MYO18B: variants seen among roughly 807,000 people sequenced by gnomAD.
The protein encoded by MYO18B is unconventional myosin-XVIIIb.
In MYO18B, 204 loss-of-function variants were observed where a neutral mutation model predicts 273.0. The ratio of observed to expected loss-of-function variants is 0.75; its 90% CI spans 0.67 to 0.84. MYO18B has a LOEUF of 0.84. Ranked by LOEUF, MYO18B falls within the 40% of genes least tolerant of loss-of-function variation. MYO18B has a pLI of 0.00. For missense variants in MYO18B, 3,212 were observed against 3,287.6 expected (o/e 0.98, Z 0.56); for synonymous variants, 1,330 against 1,305.7 (o/e 1.02, Z -0.40).
chr22:25,909,693 G>GGA (rs1382240166), intron 32 of MYO18B, among the ~76,000 whole-genome samples: 2 of 152,198 alleles, frequency 1.3e-5, no homozygotes, highest in Non-Finnish European at 2.9e-5. Flanking sequence ...ATTTATAAAA[G>GGA]GAGAGAGTGA....
At chr22:25,852,177 C>T (rs1457731462) in intron 21 of MYO18B, among the ~76,000 whole-genome samples, 1 of 152,162 alleles carries the variant, frequency 6.6e-6, no homozygotes, top group Non-Finnish European at 1.5e-5. Flanking sequence ...GAACATCACT[C>T]CTTAGGGCCT....
intron 11 of MYO18B, among the ~76,000 whole-genome samples, chr22:25,789,571 G>A (rs916073416): frequency 6.6e-6 from 1 of 151,858 alleles, no homozygotes; most frequent in Non-Finnish European, 1.5e-5. Context: ...GGGAGGCAGA[G>A]GCTGCAGTGA....
chr22:26,044,140 C>T, the MYO18B span, among the ~76,000 whole-genome samples: 2 of 152,136 alleles, frequency 1.3e-5, no homozygotes, highest in Non-Finnish European at 2.9e-5. Context: ...AATATTCTTG[C>T]GTGATGTGTC....
At chr22:25,849,866 A>G (rs2748236) in intron 20 of MYO18B, among the ~76,000 whole-genome samples, 122,311 of 152,158 alleles carry the variant, frequency 0.8, 49,383 homozygotes, top group East Asian at 0.88. Context: ...CCCATTAGCC[A>G]CTTTTACTAT....
chr22:25,972,404 G>A lies in MYO18B; in HGVS notation c.6156+17040G>A, dbSNP rs1277673789. ...TATCATTTGTGCCAGGCCTGAGCAT[G>A]TTTTATACCTCATGTCATTTAATTC... On this transcript the variant is annotated intron_variant, in intron 39 of 43. Coordinates refer to ENST00000335473, the MANE Select transcript of MYO18B (RefSeq NM_032608.7). Among the ~76,000 whole-genome samples, 6 of 152,302 alleles carry A rather than the reference G, an allele frequency of 3.9e-5. No individual in the cohort carries two copies. In the East Asian group the frequency reaches 1.2e-3, roughly 29 times the overall value.
chr22:25,843,993 G>A lies in MYO18B; in HGVS notation c.3368+99G>A, dbSNP rs555726007. ...CAGTCACTACAACACAGTGTGGGAG[G>A]GCCAGCCCAGGAATCCCATCCCTCC... On this transcript the variant is annotated intron_variant, in intron 18 of 43. Coordinates refer to ENST00000335473, the MANE Select transcript of MYO18B (RefSeq NM_032608.7). 1,951 of 1,102,136 alleles carry A rather than the reference G, an allele frequency of 1.8e-3. 6 individuals carry two copies. Among genetic ancestry groups the A allele is most frequent in the Non-Finnish European group, 2.1e-3 (1,640 of 790,394 alleles). 68.3% of individuals were successfully genotyped at this position (1,102,136 alleles called of 1,614,324 possible).
intron 40 of MYO18B, among the ~76,000 whole-genome samples, chr22:25,996,624 C>T (rs1933274544): frequency 6.6e-6 from 1 of 151,932 alleles, no homozygotes; most frequent in African/African-American, 2.4e-5. Context: ...ATAAATAAAA[C>T]ACGAGAATAC....
chr22:26,004,623 A>G, intron 41 of MYO18B, 95 bp from the exon 42 acceptor site: 3 of 1,463,050 alleles, frequency 2.1e-6, no homozygotes, highest in Non-Finnish European at 2.8e-6. Flanking sequence ...TATATCACTT[A>G]GCACAATGCC....
intron 29 of MYO18B, 61 bp downstream of exon 29, chr22:25,898,522 T>A: frequency 6.3e-7 from 1 of 1,575,074 alleles, no homozygotes; most frequent in Non-Finnish European, 8.6e-7. Context: ...GAGCTGGCGT[T>A]TTCTGGGGTA....
chr22:25,898,219 C>G, intron 28 of MYO18B, 88 bp from the exon 29 acceptor site: 2 of 1,455,376 alleles, frequency 1.4e-6, no homozygotes, highest in Non-Finnish European at 1.9e-6. Flanking sequence ...TCATTACACA[C>G]CTTGGAAATA....
intron 39 of MYO18B, among the ~76,000 whole-genome samples, chr22:25,962,287 T>C: frequency 6.6e-6 from 1 of 152,144 alleles, no homozygotes; most frequent in South Asian, 2.1e-4. Context: ...CATCAATGCA[T>C]GTGTCACCCA....
chr22:25,933,598 T>TAAAGTAATGGCAA (rs1211230534), intron 34 of MYO18B, among the ~76,000 whole-genome samples: 1 of 152,228 alleles, frequency 6.6e-6, no homozygotes, highest in African/African-American at 2.4e-5. Context: ...TTTAGGCAAT[T>TAAAGTAATGGCAA]AAAGTAATGG....
At chr22:25,815,129 A>G (rs1214091832) in intron 12 of MYO18B, among the ~76,000 whole-genome samples, 1 of 152,138 alleles carries the variant, frequency 6.6e-6, no homozygotes, top group African/African-American at 2.4e-5. Context: ...AATGCCAGCT[A>G]CTCTTGGGCT....
rs1338667627 is a variant in MYO18B, at chr22:25,781,816, G to C, written c.2294G>C (p.Gly765Ala). 2.5e-6 allele frequency: 4 copies of C among 1,587,460 alleles called. No individual in the cohort carries two copies. Among genetic ancestry groups the C allele is most frequent in the Non-Finnish European group, 3.4e-6 (4 of 1,168,510 alleles). ...NFLVFSQMLA[G>A]LDLDLRTELN... ...CTGGTTTTCTCCCAGATGCTGGCTG[G>C]ATTGGACTTGGATCTCAGGTGAGCA... Residue 765 changes from glycine to alanine, a missense_variant, in exon 10 of 44, where the codon GGA becomes GCA. By Grantham distance (60) the Gly-to-Ala change is moderately conservative. Coordinates refer to ENST00000335473, the MANE Select transcript of MYO18B (RefSeq NM_032608.7).
At chr22:25,797,089 T>A (rs1292895206) in intron 11 of MYO18B, among the ~76,000 whole-genome samples, 1 of 152,094 alleles carries the variant, frequency 6.6e-6, no homozygotes, top group East Asian at 1.9e-4. Flanking sequence ...TAGCTGGGTG[T>A]GGTGGCGGGT....
intron 42 of MYO18B, among the ~76,000 whole-genome samples, chr22:26,005,975 G>C (rs903324402): frequency 6.6e-6 from 1 of 152,124 alleles, no homozygotes. Flanking sequence ...TCTGATTACT[G>C]CTCTTAATTA....
intron 22 of MYO18B, among the ~76,000 whole-genome samples, chr22:25,871,186 GTCCACACCCA>G (rs2091036032): frequency 6.6e-6 from 1 of 152,094 alleles, no homozygotes; most frequent in Non-Finnish European, 1.5e-5. Context: ...GGCTGACCCA[GTCCACACCCA>G]GGCTCCACCA....
chr22:25,890,984 G>A, intron 26 of MYO18B, 109 bp downstream of exon 26: 1 of 1,440,922 alleles, frequency 6.9e-7, no homozygotes, highest in Non-Finnish European at 9.3e-7. Context: ...AAGATGCACA[G>A]GTTGACTGAC....
chr22:25,970,618 G>A (rs1185139756), intron 39 of MYO18B, among the ~76,000 whole-genome samples: 1 of 152,092 alleles, frequency 6.6e-6, no homozygotes, highest in African/African-American at 2.4e-5. Flanking sequence ...CCCTCTCAAA[G>A]TTTTCAAATG....
Sources: allele counts gnomAD v4.1 joint callset (sites outside exome capture counted in the v4.1 genomes callset), GRCh38; gene constraint gnomAD v4.1.1; transcripts MANE v1.5; gene names NCBI Gene and HGNC (gene_info 2026-07-23, HGNC 2026-07-21).